Variants in TUBGCP6 observed in about 807,000 individuals in gnomAD.
TUBGCP6 encodes gamma-tubulin complex component 6.
A neutral mutation model predicts 175.8 loss-of-function variants in TUBGCP6; 161 were observed. The ratio of observed to expected loss-of-function variants is 0.92; its 90% CI spans 0.81 to 1.04. The LOEUF (loss-of-function observed/expected upper bound fraction) is 1.04, where lower values mean the gene tolerates loss of function less well. Ranked by LOEUF, TUBGCP6 falls within the 50% of genes least tolerant of loss-of-function variation. The pLI is 0.00. For missense variants in TUBGCP6, 2,572 were observed against 2,433.0 expected (o/e 1.06, Z -1.20); for synonymous variants, 1,173 against 1,030.5 (o/e 1.14, Z -2.65).
At chr22:50,228,160 G>A in intron 4 of TUBGCP6, 132 bp from the exon 5 acceptor site, 1 of 1,129,234 alleles carries the variant, frequency 8.9e-7, no homozygotes, top group South Asian at 1.7e-5. Flanking sequence ...TCCAAGCAAT[G>A]GGCCTCTGTG....
In TUBGCP6 at chr22:50,222,073, G is replaced by T; in HGVS notation, c.2439C>A (p.His813Gln). ...QEMLKAVSEAHQPQEPPDVLL... is the reference protein window; with the variant it reads ...QEMLKAVSEAQQPQEPPDVLL... ...GGACGTCTGGCGGCTCCTGGGGCTG[G>T]TGAGCCTCAGACACTGCTTTCAGCA... Residue 813 changes from histidine (H) to glutamine (Q), a missense_variant, in exon 15 of 25, where the codon CAC (histidine) becomes CAA (glutamine). Physicochemically the swap from His to Gln is conservative, Grantham distance 24. Transcript: ENST00000248846. 6.2e-7 allele frequency: 1 copy of T among 1,613,820 alleles called. No individual in the cohort carries two copies. The highest frequency in any genetic ancestry group is 1.1e-5 in the South Asian group (1 of 91,068).
chr22:50,225,152 G>A (rs1419223370), intron 10 of TUBGCP6, among the ~76,000 whole-genome samples: 3 of 149,162 alleles, frequency 2.0e-5, no homozygotes, highest in East Asian at 2.0e-4. Flanking sequence ...GACATCTGGG[G>A]CTGAGGACCC....
intron 2 of TUBGCP6, among the ~76,000 whole-genome samples, chr22:50,235,939 C>CG (rs1479699059): frequency 2.4e-5 from 3 of 125,534 alleles, no homozygotes; most frequent in East Asian, 4.6e-4. Context: ...GACTCCATCT[C>CG]GGAAAAAAAA....
At chr22:50,231,675 T>C (rs954434871) in intron 3 of TUBGCP6, among the ~76,000 whole-genome samples, 14 of 151,300 alleles carry the variant, frequency 9.3e-5, no homozygotes, top group Admixed American at 3.9e-4. Context: ...CTGGCTAACA[T>C]GGTGAAACCC....
chr22:50,241,983 C>CAAAAAAAAAAAA (rs55647714), intron 1 of TUBGCP6, among the ~76,000 whole-genome samples: 2 of 92,792 alleles, frequency 2.2e-5, no homozygotes, highest in African/African-American at 5.0e-5. Context: ...GACTCCATCT[C>CAAAAAAAAAAAA]AAAAAAAAAA....
At chr22:50,230,498 G>A (rs940724852) in intron 3 of TUBGCP6, among the ~76,000 whole-genome samples, 5 of 151,796 alleles carry the variant, frequency 3.3e-5, no homozygotes, top group South Asian at 2.1e-4. Context: ...TCCCAGCTAC[G>A]CAGGAGGCTG....
At chr22:50,222,307 G>T in intron 14 of TUBGCP6, 147 bp downstream of exon 14, 1 of 1,318,278 alleles carries the variant, frequency 7.6e-7, no homozygotes, top group Non-Finnish European at 1.0e-6. Flanking sequence ...CAATTTGGTG[G>T]CACACGGGGA....
intron 3 of TUBGCP6, among the ~76,000 whole-genome samples, chr22:50,230,605 C>CAA (rs57598808): frequency 0.05 from 5,829 of 117,516 alleles, 453 homozygotes; most frequent in African/African-American, 0.17. Context: ...GACTCCGTCT[C>CAA]AAAAAAAAAA....
intron 2 of TUBGCP6, among the ~76,000 whole-genome samples, chr22:50,235,964 G>C (rs1472088465): frequency 6.7e-6 from 1 of 150,316 alleles, no homozygotes; most frequent in Non-Finnish European, 1.5e-5. Context: ...AAAAAGTGGA[G>C]TGAATGGGGA....
rs955033393 is a variant in TUBGCP6, at chr22:50,220,280, G to T, written c.4079C>A (p.Thr1360Asn). 1.3e-6 allele frequency: 2 copies of T among 1,572,414 alleles called. No homozygotes were observed. The highest frequency in any genetic ancestry group is 1.7e-6 in the Non-Finnish European group (2 of 1,155,020). Reference sequence around the variant, plus strand: ...TTCTTCAGAGACACTGTCTCCCGGGGTGTTGGGCCACCATGGTTGGGTGGG... The same window carrying T: ...TTCTTCAGAGACACTGTCTCCCGGGTTGTTGGGCCACCATGGTTGGGTGGG... ...VAPTQPWWPNTPGDSVSEELG... is the reference protein window; with the variant it reads ...VAPTQPWWPNNPGDSVSEELG... Residue 1360 changes from threonine to asparagine, a missense_variant, in exon 16 of 25, where the codon ACC (threonine) becomes AAC (asparagine). Thr to Asn is a moderately conservative substitution (Grantham distance 65). Transcript: ENST00000248846.
rs184828492 is a variant in TUBGCP6 at position 50,243,557 on chromosome 22, A to G, written c.741+162T>C. On this transcript the variant is annotated intron_variant, in intron 1 of 24. Transcript: ENST00000248846. Reference sequence around the variant, plus strand: ...TGCTTGAGCCCAGAAAGTGGAGGTTAAGGTGAGCCAAGATCGCGCCACTGC... The same window carrying G: ...TGCTTGAGCCCAGAAAGTGGAGGTTGAGGTGAGCCAAGATCGCGCCACTGC... Among the ~76,000 whole-genome samples, 276 of 143,144 alleles carry G rather than the reference A, an allele frequency of 1.9e-3. 2 individuals are homozygous for G. In the East Asian group the frequency reaches 0.044, roughly 23 times the overall value. 93.9% of individuals were successfully genotyped at this position (143,144 alleles called of 152,430 possible).
intron 4 of TUBGCP6, 99 bp from the exon 5 acceptor site, chr22:50,228,127 T>C (rs2064639676): frequency 7.4e-7 from 1 of 1,356,260 alleles, no homozygotes; most frequent in Non-Finnish European, 9.7e-7. Flanking sequence ...GCTTTGTTTC[T>C]TGCCTCAGCT....
intron 16 of TUBGCP6, 98 bp downstream of exon 16, chr22:50,220,153 G>T: frequency 6.5e-7 from 1 of 1,549,222 alleles, no homozygotes; most frequent in Non-Finnish European, 8.8e-7. Flanking sequence ...GGAGGCCTGA[G>T]GGGAACTTCA....
At chr22:50,240,519 C>T in intron 1 of TUBGCP6, 152 bp from the exon 2 acceptor site, 1 of 973,700 alleles carries the variant, frequency 1.0e-6, no homozygotes, top group Non-Finnish European at 1.5e-6. Context: ...TGTTTCCCAC[C>T]AATGAGCCAT....
chr22:50,234,897 C>A (rs933537312), intron 2 of TUBGCP6, among the ~76,000 whole-genome samples: 2 of 148,422 alleles, frequency 1.3e-5, no homozygotes, highest in Admixed American at 6.7e-5. Flanking sequence ...ATCATCCACA[C>A]CCCTGTCCAC....
At chr22:50,231,105 A>G (rs897745865) in intron 3 of TUBGCP6, among the ~76,000 whole-genome samples, 10 of 147,656 alleles carry the variant, frequency 6.8e-5, no homozygotes, top group African/African-American at 2.2e-4. Flanking sequence ...AAAAAAAAAA[A>G]GCAGTTAAAC....
chr22:50,231,190 C>T (rs959067793), intron 3 of TUBGCP6, among the ~76,000 whole-genome samples: 2 of 151,428 alleles, frequency 1.3e-5, no homozygotes, highest in African/African-American at 4.9e-5. Flanking sequence ...CAGTGGCTCA[C>T]ACCTGTAACA....
At position 50,218,496 on chromosome 22, in the gene TUBGCP6, T is replaced by A. The variant is rs750334667; in HGVS notation, c.4946A>T (p.Lys1649Met). The part of the protein sequence containing the change: ...WALKDVCFHL[K>M]RTALLSHMAG... Reference sequence around the variant, plus strand: ...CTCCAGCGGGGCCTCACCTGTGCGCTTGAGGTGGAAGCAGACGTCCTTGAG... The same window carrying A: ...CTCCAGCGGGGCCTCACCTGTGCGCATGAGGTGGAAGCAGACGTCCTTGAG... Residue 1649 changes from lysine to methionine, a missense_variant, in exon 22 of 25, where the codon AAG becomes ATG. Coordinates refer to ENST00000248846, the MANE Select transcript of TUBGCP6 (RefSeq NM_020461.4). 6.2e-7 allele frequency: 1 copy of A among 1,613,456 alleles called. No homozygotes were observed. The highest frequency in any genetic ancestry group is 2.2e-5 in the East Asian group (1 of 44,864).
chr22:50,233,417 G>A lies in TUBGCP6; in HGVS notation c.1015C>T (p.Leu339=), dbSNP rs778130640. 1.2e-6 allele frequency: 2 copies of A among 1,613,938 alleles called. No individual in the cohort carries two copies. The highest frequency in any genetic ancestry group is 1.7e-6 in the Non-Finnish European group (2 of 1,179,918). ...ACCAGCACGGGCTGCGGGGCCTGTA[G>A]GACGCCCCCAGCAAGCAGCTGGAGC... The part of the protein sequence containing the change: ...GELQLLAGGV[L]QAPQPVLVKE... Residue 339 remains leucine, a synonymous_variant, in exon 3 of 25, where the codon CTA becomes TTA. Coordinates refer to ENST00000248846, the MANE Select transcript of TUBGCP6 (RefSeq NM_020461.4).
Sources: allele counts gnomAD v4.1 joint callset (sites outside exome capture counted in the v4.1 genomes callset), GRCh38; gene constraint gnomAD v4.1.1; transcripts MANE v1.5; gene names NCBI Gene and HGNC (gene_info 2026-07-23, HGNC 2026-07-21).